Variants in ARL6 observed in about 807,000 individuals in gnomAD.
ARL6 encodes the protein ADP-ribosylation factor-like protein 6.
ARL6 carries 18 observed loss-of-function variants against 27.1 expected under a neutral mutation model. That is an observed-to-expected ratio of 0.66 (90% CI 0.46 to 0.98). ARL6 has a LOEUF of 0.98. Ranked by LOEUF, ARL6 falls within the 50% of genes least tolerant of loss-of-function variation. The pLI, the probability that ARL6 is intolerant of heterozygous loss-of-function variation, is 0.00. For missense variants in ARL6, 187 were observed against 214.9 expected, an observed-to-expected ratio of 0.87 and a Z score of 0.81; for synonymous variants, 65 against 72.3, an observed-to-expected ratio of 0.90 and a Z score of 0.51.
At chr3:97,794,478 T>C (rs1349709606) in intron 7 of ARL6, among the ~76,000 whole-genome samples, 1 of 152,046 alleles carries the variant, frequency 6.6e-6, no homozygotes, top group Non-Finnish European at 1.5e-5. Flanking sequence ...CCTCCAAAAG[T>C]GGTGGGATTA....
chr3:97,792,054 T>C (rs1458629329), intron 7 of ARL6: 1 of 512,688 alleles, frequency 2.0e-6, no homozygotes, highest in Non-Finnish European at 3.5e-6. Context: ...TTACAGTCAA[T>C]ATATATGACA....
At chr3:97,773,127 CA>C (rs1248492050) in intron 2 of ARL6, among the ~76,000 whole-genome samples, 1 of 152,112 alleles carries the variant, frequency 6.6e-6, no homozygotes, top group Non-Finnish European at 1.5e-5. Flanking sequence ...CAAGGCTCCA[CA>C]ATAGTCTGTC....
At chr3:97,797,470 G>A (rs1347162475) in intron 7 of ARL6, among the ~76,000 whole-genome samples, 1 of 152,134 alleles carries the variant, frequency 6.6e-6, no homozygotes, top group Non-Finnish European at 1.5e-5. Context: ...AGGAGAATGG[G>A]GGTATTAGAA....
At chr3:97,789,560 T>C (rs866695514) in intron 6 of ARL6, among the ~76,000 whole-genome samples, 7 of 152,098 alleles carry the variant, frequency 4.6e-5, no homozygotes, top group South Asian at 2.1e-4. Flanking sequence ...AAAAGTAATA[T>C]CCTGATGCTT....
Position 97,785,021 on chromosome 3 carries a change from A to G in ARL6, c.321A>G (p.Glu107=). Residue 107 remains glutamate, a synonymous_variant, in exon 5 of 8, where the codon GAA becomes GAG. Coordinates refer to ENST00000463745, the MANE Select transcript of ARL6 (RefSeq NM_001278293.3). ...GATTAAGAATGGTTGTGGCCAAAGA[A>G]GAACTCGATACTCTTCTGAATCATC... is the stretch of plus-strand genomic sequence containing the variant. ...SDRLRMVVAK[E]ELDTLLNHPD... 1 of 1,612,954 alleles carries G rather than the reference A, an allele frequency of 6.2e-7. No homozygotes were observed. Among genetic ancestry groups the G allele is most frequent in the Non-Finnish European group, 8.5e-7 (1 of 1,179,230 alleles).
chr3:97,781,571 T>C (rs1471597319), intron 4 of ARL6, among the ~76,000 whole-genome samples: 1 of 152,138 alleles, frequency 6.6e-6, no homozygotes, highest in Non-Finnish European at 1.5e-5. Flanking sequence ...AGCCATTTTA[T>C]ATAAGAGACT....
chr3:97,768,405 T>G (rs180950940), intron 2 of ARL6, among the ~76,000 whole-genome samples, 175 bp downstream of exon 2: 3 of 152,212 alleles, frequency 2.0e-5, no homozygotes, highest in Admixed American at 2.0e-4. Context: ...CACAGTAAAT[T>G]TTAATTATTA....
At chr3:97,779,674 G>A (rs2037085072) in intron 2 of ARL6, among the ~76,000 whole-genome samples, 1 of 152,020 alleles carries the variant, frequency 6.6e-6, no homozygotes. Flanking sequence ...AGACCATCCT[G>A]GCTAACACGG....
At chr3:97,771,093 T>TA (rs1487322179) in intron 2 of ARL6, among the ~76,000 whole-genome samples, 4 of 152,006 alleles carry the variant, frequency 2.6e-5, no homozygotes, top group African/African-American at 9.7e-5. Context: ...TTGACTCTGT[T>TA]AATCTCTTCG....
chr3:97,789,946 T>C (rs1405289123), intron 6 of ARL6, among the ~76,000 whole-genome samples: 2 of 152,090 alleles, frequency 1.3e-5, no homozygotes, highest in African/African-American at 2.4e-5. Flanking sequence ...TTTTATGTTT[T>C]ATGTTTGACC....
chr3:97,790,874 A>G (rs2108080209), intron 6 of ARL6, among the ~76,000 whole-genome samples: 1 of 152,178 alleles, frequency 6.6e-6, no homozygotes, highest in South Asian at 2.1e-4. Flanking sequence ...AGCACACTAA[A>G]AGGAACCCTA....
intron 4 of ARL6, 53 bp downstream of exon 4, chr3:97,780,736 G>T (rs1309364358): frequency 2.9e-6 from 4 of 1,370,936 alleles, no homozygotes; most frequent in South Asian, 2.4e-5. Context: ...TAATAATAAT[G>T]ATTAGAAATC....
intron 1 of ARL6, among the ~76,000 whole-genome samples, chr3:97,767,021 A>G (rs995291971): frequency 6.6e-6 from 1 of 152,172 alleles, no homozygotes; most frequent in Admixed American, 6.5e-5. Flanking sequence ...ACCTTAGATG[A>G]ATATAAACAG....
At chr3:97,771,521 C>T (rs182703249) in intron 2 of ARL6, among the ~76,000 whole-genome samples, 30 of 151,368 alleles carry the variant, frequency 2.0e-4, no homozygotes, top group Non-Finnish European at 3.7e-4. Flanking sequence ...TGCCTAATTG[C>T]TCTGGCTGGA....
At chr3:97,794,314 G>A (rs2037892826) in intron 7 of ARL6, among the ~76,000 whole-genome samples, 1 of 151,662 alleles carries the variant, frequency 6.6e-6, no homozygotes, top group Non-Finnish European at 1.5e-5. Flanking sequence ...TCAGGTTCAA[G>A]TAATTGTCCT....
chr3:97,791,720 T>C (rs377723636), intron 6 of ARL6, 51 bp from the exon 7 acceptor site: 56 of 1,528,570 alleles, frequency 3.7e-5, no homozygotes, highest in African/African-American at 2.7e-5. Context: ...TTTATTCTTA[T>C]AGTTTTGTGA....
Position 97,773,713 on chromosome 3 carries a change from T to G in ARL6, c.123+5483T>G, listed in dbSNP as rs139826390. On this transcript the variant is annotated intron_variant, in intron 2 of 7. Transcript: ENST00000463745. ...AAATAAAATGAATATATTTTCATAG[T>G]ACAAGTTTATATGTACACAAACATG... 6.0e-3 allele frequency among the ~76,000 whole-genome samples: 919 copies of G among 152,354 alleles called. 10 individuals are homozygous for G. Among genetic ancestry groups the G allele is most frequent in the African/African-American group, 0.021 (872 of 41,588 alleles).
At chr3:97,790,898 T>A (rs971881748) in intron 6 of ARL6, among the ~76,000 whole-genome samples, 2 of 152,104 alleles carry the variant, frequency 1.3e-5, no homozygotes, top group Non-Finnish European at 2.9e-5. Context: ...ATTCAGAAAC[T>A]CTAATCATAT....
intron 2 of ARL6, among the ~76,000 whole-genome samples, chr3:97,779,478 AT>A (rs1367239964): frequency 1.3e-5 from 2 of 152,194 alleles, no homozygotes; most frequent in East Asian, 3.9e-4. Context: ...ATTGTGTTCT[AT>A]TTACATCTTC....
Sources: allele counts gnomAD v4.1 joint callset (sites outside exome capture counted in the v4.1 genomes callset), GRCh38; gene constraint gnomAD v4.1.1; transcripts MANE v1.5; gene names NCBI Gene and HGNC (gene_info 2026-07-23, HGNC 2026-07-21).